NPHP1: variants seen among roughly 807,000 people sequenced by gnomAD.
The protein encoded by NPHP1 is nephrocystin 1.
Under a neutral mutation model 90.4 loss-of-function variants are expected in NPHP1, and 70 were observed. The observed-to-expected ratio is 0.77, with a 90% CI of 0.64 to 0.95. The LOEUF (loss-of-function observed/expected upper bound fraction) is 0.95, where lower values mean the gene tolerates loss of function less well. NPHP1 is among the 40% of genes least tolerant of loss of function. NPHP1 has a pLI of 0.00. For missense variants in NPHP1, 764 were observed against 795.9 expected (o/e 0.96, Z 0.48); for synonymous variants, 256 against 271.7 (o/e 0.94, Z 0.57).
chr2:110,128,531 C>G (rs919876933), intron 18 of NPHP1: 1 of 152,822 alleles, frequency 6.5e-6, no homozygotes, highest in Non-Finnish European at 1.5e-5. Context: ...TTGGCCCTGG[C>G]CTTTATTAGG....
chr2:110,173,062 G>A lies in NPHP1; in HGVS notation c.330-3064C>T, dbSNP rs1378037922. Reference sequence around the variant, plus strand: ...CAATCTCCACCTCCCGGGTTCAAGCGATTCTCCTGCCTCCGACTCCCGAGT... The same window carrying A: ...CAATCTCCACCTCCCGGGTTCAAGCAATTCTCCTGCCTCCGACTCCCGAGT... On this transcript the variant is annotated intron_variant, in intron 4 of 19. Coordinates refer to ENST00000445609, the MANE Select transcript of NPHP1 (RefSeq NM_001128178.3). 5.3e-5 allele frequency among the ~76,000 whole-genome samples: 8 copies of A among 150,406 alleles called. No individual in the cohort carries two copies. In the East Asian group the frequency reaches 5.9e-4, roughly 11 times the overall value.
At chr2:110,168,386 TA>T in intron 6 of NPHP1, 65 bp downstream of exon 6, 1 of 994,538 alleles carries the variant, frequency 1.0e-6, no homozygotes, top group Non-Finnish European at 1.6e-6. Context: ...AGAACACAGC[TA>T]AATGTTTTAT....
chr2:110,141,541 A>C (rs1680630316), intron 16 of NPHP1, among the ~76,000 whole-genome samples: 1 of 152,176 alleles, frequency 6.6e-6, no homozygotes, highest in South Asian at 2.1e-4. Context: ...TTAAAACACC[A>C]TGAGAAACCA....
chr2:110,148,045 T>TA lies in NPHP1; in HGVS notation c.1159-20dup. On this transcript the variant is annotated intron_variant, in intron 12 of 19. Transcript: ENST00000445609. ...GAGTAACCTGAAATGATAAAGAAAT[T>TA]AAAGTTATTGATAAAAATAAAAAAT... 1 of 1,472,160 alleles carries TA rather than the reference T, an allele frequency of 6.8e-7. No individual in the cohort carries two copies. The highest frequency in any genetic ancestry group is 1.1e-5 in the South Asian group (1 of 88,184). The allele number at this position is 1,472,160 out of a possible 1,614,324, so 91.2% of individuals were successfully genotyped here.
At chr2:110,168,638 TG>T (rs1682890212) in intron 5 of NPHP1, 85 bp from the exon 6 acceptor site, 1 of 952,134 alleles carries the variant, frequency 1.1e-6, no homozygotes, top group South Asian at 1.4e-5. Context: ...AAATATGTGC[TG>T]AAAAAAAGGC....
In NPHP1 at chr2:110,168,656, T is replaced by G. The variant is rs926961211; in HGVS notation, c.523-103A>C. On this transcript the variant is annotated intron_variant, in intron 5 of 19. Transcript: ENST00000445609. ...TATGTGCTGAAAAAAAGGCAAAATCTTTTTTTAATCCAATATTTATCCTAA... is the reference window on the plus strand; with the variant it reads ...TATGTGCTGAAAAAAAGGCAAAATCGTTTTTTAATCCAATATTTATCCTAA... The G allele has an allele frequency of 2.8e-5, 22 of 795,196 alleles. No individual in the cohort carries two copies. In the African/African-American group the frequency reaches 3.1e-4, roughly 11 times the overall value. The allele number at this position is 795,196 out of a possible 1,614,324, so 49.3% of individuals were successfully genotyped here.
chr2:110,172,643 G>A (rs555809293), intron 4 of NPHP1, among the ~76,000 whole-genome samples: 30 of 152,072 alleles, frequency 2.0e-4, no homozygotes, highest in East Asian at 2.0e-3. Context: ...TTTGCCAAGC[G>A]TAGTGGCACA....
intron 2 of NPHP1, among the ~76,000 whole-genome samples, chr2:110,190,001 G>A (rs1376915207): frequency 6.6e-6 from 1 of 152,154 alleles, no homozygotes; most frequent in South Asian, 2.1e-4. Flanking sequence ...GCTAGATACA[G>A]AGTGTCAATT....
At chr2:110,127,202 T>G (rs753872810) in intron 18 of NPHP1, 9 of 152,202 alleles carry the variant, frequency 5.9e-5, no homozygotes, top group Non-Finnish European at 1.3e-4. Context: ...GGCAGCTACT[T>G]GTTCCAGATG....
At chr2:110,135,628 A>G (rs1309405763) in intron 16 of NPHP1, among the ~76,000 whole-genome samples, 1 of 152,026 alleles carries the variant, frequency 6.6e-6, no homozygotes, top group Non-Finnish European at 1.5e-5. Flanking sequence ...TATTTCTAAT[A>G]CTATTTTTAG....
chr2:110,198,644 T>C (rs1321402480), intron 2 of NPHP1, among the ~76,000 whole-genome samples: 1 of 152,060 alleles, frequency 6.6e-6, no homozygotes, highest in African/African-American at 2.4e-5. Context: ...GAATCATGAC[T>C]GCTAAAGAAG....
Position 110,147,756 on chromosome 2 carries a change from T to C in NPHP1, c.1269+160A>G, listed in dbSNP as rs183540133. ...TTATTTTAAATGCTACGAAAACAAA[T>C]CAGCACACATAAAATTAGAATCACT... On this transcript the variant is annotated intron_variant, in intron 13 of 19. Coordinates refer to ENST00000445609, the MANE Select transcript of NPHP1 (RefSeq NM_001128178.3). 3.9e-4 allele frequency among the ~76,000 whole-genome samples: 60 copies of C among 152,256 alleles called. 1 individual carries two copies. The highest frequency in any genetic ancestry group is 3.7e-3 in the East Asian group (19 of 5,180).
At chr2:110,181,875 A>T (rs575807514) in intron 2 of NPHP1, among the ~76,000 whole-genome samples, 1 of 152,210 alleles carries the variant, frequency 6.6e-6, no homozygotes, top group South Asian at 2.1e-4. Context: ...CCCACTGCAA[A>T]GAAGCTAAGA....
chr2:110,133,484 G>C (rs369377781), intron 16 of NPHP1, among the ~76,000 whole-genome samples: 1 of 151,990 alleles, frequency 6.6e-6, no homozygotes, highest in Non-Finnish European at 1.5e-5. Context: ...TTTCGATAAG[G>C]TATAGAACAA....
rs753796140 is a variant in NPHP1 at position 110,164,540 on chromosome 2, C to A, written c.771+148G>T. The A allele has an allele frequency of 1.9e-6, 3 of 1,555,208 alleles. No homozygotes were observed. The highest frequency in any genetic ancestry group is 2.7e-6 in the Non-Finnish European group (3 of 1,127,138). On this transcript the variant is annotated intron_variant, in intron 8 of 19. Coordinates refer to ENST00000445609, the MANE Select transcript of NPHP1 (RefSeq NM_001128178.3). ...GTTACTTGGAGCACAGGCTTAGAAACCAGAAATATACGTCCTCTGCTCTGT... is the reference window on the plus strand; with the variant it reads ...GTTACTTGGAGCACAGGCTTAGAAAACAGAAATATACGTCCTCTGCTCTGT...
intron 16 of NPHP1, among the ~76,000 whole-genome samples, chr2:110,140,672 A>G (rs1680556435): frequency 6.6e-6 from 1 of 152,158 alleles, no homozygotes; most frequent in Non-Finnish European, 1.5e-5. Flanking sequence ...AATGAGGCCA[A>G]ACAAGATTTG....
chr2:110,133,847 C>G (rs372669470), intron 16 of NPHP1, among the ~76,000 whole-genome samples: 17 of 151,884 alleles, frequency 1.1e-4, no homozygotes, highest in African/African-American at 3.6e-4. Flanking sequence ...GAAAACACAA[C>G]ATACCAAAAT....
chr2:110,196,134 A>C (rs376375217), intron 2 of NPHP1, among the ~76,000 whole-genome samples: 12 of 152,046 alleles, frequency 7.9e-5, no homozygotes, highest in African/African-American at 2.7e-4. Context: ...CAATGGCAAC[A>C]AAAGCCAAAA....
chr2:110,147,587 TGCCCC>T (rs923291793), intron 13 of NPHP1, among the ~76,000 whole-genome samples: 77 of 152,270 alleles, frequency 5.1e-4, no homozygotes, highest in African/African-American at 1.7e-3. Flanking sequence ...AAGTATACTC[TGCCCC>T]TGGAAGACAG....
Sources: gnomAD v4.1 joint callset for allele counts (sites outside exome capture counted in the v4.1 genomes callset) on GRCh38, gnomAD v4.1.1 for gene constraint, MANE v1.5 for transcripts, NCBI Gene and HGNC (gene_info 2026-07-23, HGNC 2026-07-21) for gene names.